Variants in CSMD3 observed in about 807,000 individuals in gnomAD.
CSMD3 encodes CUB and Sushi multiple domains 3, also known as CUB and sushi domain-containing protein 3.
A neutral mutation model predicts 435.2 loss-of-function variants in CSMD3; 177 were observed. That is an observed-to-expected ratio of 0.41 (90% CI 0.36 to 0.46). The LOEUF is 0.46. CSMD3 is among the 20% of genes least tolerant of loss of function. The pLI is 0.34. For missense variants in CSMD3, 4,265 were observed against 4,504.6 expected, an observed-to-expected ratio of 0.95 and a Z score of 1.52; for synonymous variants, 1,656 against 1,520.5, an observed-to-expected ratio of 1.09 and a Z score of -2.07.
At chr8:112,414,481 G>A (rs572949001) in intron 32 of CSMD3, among the ~76,000 whole-genome samples, 4 of 152,278 alleles carry the variant, frequency 2.6e-5, no homozygotes, top group East Asian at 3.9e-4. Flanking sequence ...CCTCAGCAAT[G>A]TAGAACTGTG....
At chr8:112,717,342 G>A (rs1056294258) in intron 13 of CSMD3, among the ~76,000 whole-genome samples, 1 of 152,100 alleles carries the variant, frequency 6.6e-6, no homozygotes, top group African/African-American at 2.4e-5. Flanking sequence ...GCTCATTAGA[G>A]AAATGCAAAT....
intron 9 of CSMD3, among the ~76,000 whole-genome samples, chr8:112,927,563 A>G (rs543587390): frequency 6.6e-6 from 1 of 152,262 alleles, no homozygotes; most frequent in South Asian, 2.1e-4. Flanking sequence ...TAAAAATTAA[A>G]TGTTAATAAA....
intron 15 of CSMD3, among the ~76,000 whole-genome samples, chr8:112,684,393 C>T (rs957330680): frequency 6.6e-6 from 1 of 152,012 alleles, no homozygotes; most frequent in African/African-American, 2.4e-5. Flanking sequence ...CAAAGCTTAA[C>T]ATTGAATAGG....
chr8:112,911,356 A>T (rs1587649503), intron 10 of CSMD3, among the ~76,000 whole-genome samples: 1 of 151,930 alleles, frequency 6.6e-6, no homozygotes. Flanking sequence ...AAATCAAGCT[A>T]ATTAATATAC....
intron 11 of CSMD3, among the ~76,000 whole-genome samples, chr8:112,854,620 A>G (rs568046504): frequency 7.3e-4 from 111 of 152,320 alleles, no homozygotes; most frequent in Non-Finnish European, 9.0e-4. Context: ...TGTAATCTGA[A>G]CTTACAGACT....
At chr8:112,631,464 G>A (rs1045564984) in intron 22 of CSMD3, among the ~76,000 whole-genome samples, 2 of 151,944 alleles carry the variant, frequency 1.3e-5, no homozygotes, top group African/African-American at 4.8e-5. Flanking sequence ...AATAAATAAG[G>A]TAATAAATGA....
chr8:112,812,049 G>C (rs1178983831), intron 12 of CSMD3, among the ~76,000 whole-genome samples: 1 of 152,100 alleles, frequency 6.6e-6, no homozygotes, highest in African/African-American at 2.4e-5. Context: ...GGGCAGGAAA[G>C]GGCCTCCCCA....
chr8:113,272,798 T>C lies in CSMD3; in HGVS notation c.514+5794A>G, dbSNP rs377694105. Among the ~76,000 whole-genome samples the C allele has an allele frequency of 7.9e-5, 12 of 152,284 alleles. No homozygotes were observed. The East Asian group carries it at 2.3e-3, about 29-fold the overall frequency. On this transcript the variant is annotated intron_variant, in intron 3 of 70. Coordinates refer to ENST00000297405, the MANE Select transcript of CSMD3 (RefSeq NM_198123.2). Reference sequence around the variant, plus strand: ...TGGAACTATTTTCATTCTACTTATATATTGTAAAACATATTGAAGTAGAGA... The same window carrying C: ...TGGAACTATTTTCATTCTACTTATACATTGTAAAACATATTGAAGTAGAGA...
chr8:112,387,680 A>T (rs1420754145), intron 36 of CSMD3, among the ~76,000 whole-genome samples: 1 of 152,168 alleles, frequency 6.6e-6, no homozygotes, highest in Non-Finnish European at 1.5e-5. Flanking sequence ...TTTCTAAAGT[A>T]CAGTCAATAA....
At chr8:113,020,320 A>C (rs535574783) in intron 5 of CSMD3, among the ~76,000 whole-genome samples, 204 of 152,244 alleles carry the variant, frequency 1.3e-3, no homozygotes, top group Non-Finnish European at 2.6e-3. Flanking sequence ...TACCATTTAT[A>C]ATATACTCAA....
chr8:112,961,561 A>G (rs1318322543), intron 7 of CSMD3, among the ~76,000 whole-genome samples: 1 of 151,884 alleles, frequency 6.6e-6, no homozygotes, highest in Non-Finnish European at 1.5e-5. Flanking sequence ...CAATCATTTT[A>G]GGCTAAGAAA....
intron 16 of CSMD3, among the ~76,000 whole-genome samples, chr8:112,681,608 G>A (rs2075896755): frequency 6.6e-6 from 1 of 152,052 alleles, no homozygotes; most frequent in Admixed American, 6.6e-5. Context: ...GCTCATGCCT[G>A]TAATCCCAGC....
chr8:112,544,078 T>C (rs1826934832), intron 27 of CSMD3, among the ~76,000 whole-genome samples: 1 of 152,106 alleles, frequency 6.6e-6, no homozygotes, highest in Admixed American at 6.6e-5. Context: ...GGAGATGGGA[T>C]ATGAGAGTTA....
chr8:112,240,898 G>T (rs185671204), intron 66 of CSMD3, among the ~76,000 whole-genome samples: 2 of 151,926 alleles, frequency 1.3e-5, no homozygotes, highest in Non-Finnish European at 2.9e-5. Context: ...TTGCCCGCTC[G>T]CATCCATGTA....
Position 112,228,778 on chromosome 8 carries a change from C to T in CSMD3, c.10942G>A (p.Gly3648Arg), listed in dbSNP as rs867770517. 2 of 1,590,606 alleles carry T rather than the reference C, an allele frequency of 1.3e-6. No homozygotes were observed. The highest frequency in any genetic ancestry group is 1.7e-6 in the Non-Finnish European group (2 of 1,159,474). ...PFFALIFAGF[G>R]FYLYKQRTAP... The stretch of plus-strand genomic sequence containing the variant: ...TACCTTTGTTTATAAAGATAAAATC[C>T]AAATCCTGCAAATATAAGTGCAAAA... Residue 3648 changes from glycine to arginine, a missense_variant, in exon 70 of 71, where the codon GGA (glycine) becomes AGA (arginine). Around this residue, in one of 3 missense-constraint regions of CSMD3, gnomAD observed 3,255 missense variants for 3,380.2 expected, o/e 0.96. Transcript: ENST00000297405.
intron 10 of CSMD3, 114 bp from the exon 11 acceptor site, chr8:112,859,380 G>T: frequency 1.2e-6 from 1 of 864,260 alleles, no homozygotes; most frequent in Non-Finnish European, 1.9e-6. Context: ...TAACCACATT[G>T]AAATATATAT....
chr8:112,367,333 T>C (rs1267605208), intron 38 of CSMD3, among the ~76,000 whole-genome samples: 1 of 152,140 alleles, frequency 6.6e-6, no homozygotes, highest in Non-Finnish European at 1.5e-5. Context: ...ATCCAATTAC[T>C]ACAGTTAAAT....
At chr8:113,265,902 T>C (rs2093466693) in intron 3 of CSMD3, among the ~76,000 whole-genome samples, 1 of 151,538 alleles carries the variant, frequency 6.6e-6, no homozygotes, top group Non-Finnish European at 1.5e-5. Context: ...AGGTATGACA[T>C]TTCCTCGTAT....
intron 32 of CSMD3, among the ~76,000 whole-genome samples, chr8:112,452,279 G>T (rs1816371190): frequency 2.6e-5 from 4 of 152,194 alleles, no homozygotes; most frequent in Admixed American, 1.3e-4. Context: ...CTATGCTGTT[G>T]GTGGGGACAC....
Sources: gnomAD v4.1 joint callset for allele counts (sites outside exome capture counted in the v4.1 genomes callset) on GRCh38, gnomAD v4.1.1 for gene constraint, gnomAD v4.1.1 regional missense constraint, MANE v1.5 for transcripts, NCBI Gene and HGNC (gene_info 2026-07-23, HGNC 2026-07-21) for gene names.